SATB1: variants seen among roughly 807,000 people sequenced by gnomAD.
SATB1 encodes the protein DNA-binding protein SATB1.
SATB1 carries 11 observed loss-of-function variants against 86.9 expected under a neutral mutation model. The ratio of observed to expected loss-of-function variants is 0.13; its 90% confidence interval spans 0.08 to 0.21. The LOEUF (loss-of-function observed/expected upper bound fraction) is 0.21, where lower values mean the gene tolerates loss of function less well. Among genes scored for constraint, SATB1 ranks in the 10% least tolerant of loss-of-function variants. The pLI is 1.00. For missense variants in SATB1, 551 were observed against 937.6 expected (o/e 0.59, Z 5.39); for synonymous variants, 357 against 357.2 (o/e 1.00, Z 0.01).
chr3:18,352,029 G>T lies in SATB1; in HGVS notation c.1742C>A (p.Pro581Gln). 6.2e-7 allele frequency: 1 copy of T among 1,614,172 alleles called. No individual in the cohort carries two copies. Among genetic ancestry groups the T allele is most frequent in the Non-Finnish European group, 8.5e-7 (1 of 1,180,040 alleles). The stretch of plus-strand genomic sequence containing the variant: ...TGCTGGAACATGGATAATGTGGGGC[G>T]GCCTGTCGCCATGGTGATGCACCGC... The part of the protein sequence containing the change: ...SNAVHHHGDR[P>Q]PHIIHVPAEQ... The change falls in exon 10 of 11, where the codon CCG (proline) becomes CAG (glutamine). Residue 581 changes from proline to glutamine, a missense_variant. Physicochemically the swap from Pro to Gln is moderately conservative, Grantham distance 76. This residue lies in a region of SATB1 where 87 missense variants were observed against 103.6 expected (regional missense o/e 0.84). Transcript: ENST00000338745. This position sits in a 1 kb window ranked among gnomAD's most constrained non-coding sequence, Gnocchi z 4.1.
At chr3:18,392,616 T>TAA (rs1220168911) in intron 7 of SATB1, among the ~76,000 whole-genome samples, 17 of 151,910 alleles carry the variant, frequency 1.1e-4, no homozygotes, top group South Asian at 2.1e-4. Flanking sequence ...CATATATATA[T>TAA]AATTTGTGTC....
rs1011635291 is a variant in SATB1, at chr3:18,347,607, A to G, written c.*1563T>C. 2.6e-5 allele frequency: 4 copies of G among 152,202 alleles called. No individual in the cohort carries two copies. Among genetic ancestry groups the G allele is most frequent in the East Asian group, 1.9e-4 (1 of 5,200 alleles). The allele number at this position is 152,202 out of a possible 1,614,324, so 9.4% of individuals were successfully genotyped here. A position where few individuals can be genotyped will look rare whatever the true frequency, so the allele number is the denominator to read the frequency against. On this transcript the variant is annotated 3_prime_UTR_variant, in exon 11 of 11. Transcript: ENST00000338745. ...CATTAGCTTAAGGAAAAGCATTGCTATAAATGAAGTATTGTGAAATAAGCA... is the reference window on the plus strand; with the variant it reads ...CATTAGCTTAAGGAAAAGCATTGCTGTAAATGAAGTATTGTGAAATAAGCA...
intron 7 of SATB1, among the ~76,000 whole-genome samples, chr3:18,393,200 A>G (rs1012322648): frequency 6.6e-6 from 1 of 152,204 alleles, no homozygotes; most frequent in Admixed American, 6.5e-5. Flanking sequence ...TAAATATGAA[A>G]GGAAAATGTG....
upstream of SATB1, among the ~76,000 whole-genome samples, chr3:18,429,565 T>C (rs1698821889): frequency 6.6e-6 from 1 of 152,240 alleles, no homozygotes; most frequent in Non-Finnish European, 1.5e-5. This position sits in a 1 kb window ranked among gnomAD's most constrained non-coding sequence, Gnocchi z 4.1. Flanking sequence ...TGGCACATGC[T>C]AGCTGCCCTA....
At position 18,425,089 on chromosome 3, in the gene SATB1, C is replaced by A; in HGVS notation, c.-1487G>T. 6.2e-6 allele frequency: 1 copy of A among 161,482 alleles called. No individual in the cohort carries two copies. Among genetic ancestry groups the A allele is most frequent in the Non-Finnish European group, 1.3e-5 (1 of 74,964 alleles). The allele number at this position is 161,482 out of a possible 1,614,324, so 10.0% of individuals were successfully genotyped here. The stretch of plus-strand genomic sequence containing the variant: ...CGCTGTCGCTGCCGCCGCCGTGCCC[C>A]GCTCGGCTCCGCGCGTCCGCCCGGG... On this transcript the variant is annotated 5_prime_UTR_variant, in exon 1 of 11. Transcript: ENST00000338745.
rs1474222763 is a variant in SATB1, at chr3:18,425,146, T to TGCTGCCGCCGCCGCCGCC, written c.-1562_-1545dup. ...CCCTCTCCGCCGCTGCTCCTGCTGC[T>TGCTGCCGCCGCCGCCGCC]GCTGCCGCCGCCGCCGCCGCTGCCG... On this transcript the variant is annotated 5_prime_UTR_variant, in exon 1 of 11. Transcript: ENST00000338745. 5.7e-6 allele frequency: 1 copy of TGCTGCCGCCGCCGCCGCC among 175,940 alleles called. No homozygotes were observed. Among genetic ancestry groups the TGCTGCCGCCGCCGCCGCC allele is most frequent in the Non-Finnish European group, 1.2e-5 (1 of 85,928 alleles). The allele number at this position is 175,940 out of a possible 1,614,324, so 10.9% of individuals were successfully genotyped here.
chr3:18,378,049 TAATCCTAGACACAG>T, intron 9 of SATB1, 107 bp downstream of exon 9: 1 of 843,516 alleles, frequency 1.2e-6, no homozygotes, highest in Non-Finnish European at 1.7e-6. Context: ...GCTCTGGAAA[TAATCCTAGACACAG>T]AGGCCTCTCC....
chr3:18,428,515 T>C (rs911613526), upstream of SATB1, among the ~76,000 whole-genome samples: 1 of 152,166 alleles, frequency 6.6e-6, no homozygotes, highest in Non-Finnish European at 1.5e-5. Context: ...CCTAGGCATA[T>C]GTGAACATAA....
At chr3:18,356,200 T>C (rs1214968128) in intron 9 of SATB1, among the ~76,000 whole-genome samples, 1 of 151,896 alleles carries the variant, frequency 6.6e-6, no homozygotes, top group African/African-American at 2.4e-5. Context: ...CAAAGTTATG[T>C]ATTGTAAACC....
chr3:18,384,503 G>GAAGT lies in SATB1; in HGVS notation c.1419+1895_1419+1896insACTT, dbSNP rs1321655436. ...CAGTTCAATGTTGAAGTTCATATTGGTCTTAAGTAAGCCATTCTTTTATTA... is the reference window on the plus strand; with the variant it reads ...CAGTTCAATGTTGAAGTTCATATTGGAAGTTCTTAAGTAAGCCATTCTTTTATTA... On this transcript the variant is annotated intron_variant, in intron 8 of 10. Coordinates refer to ENST00000338745, the MANE Select transcript of SATB1 (RefSeq NM_002971.6). Among the ~76,000 whole-genome samples, 45 of 150,702 alleles carry GAAGT rather than the reference G, an allele frequency of 3.0e-4. 2 individuals are homozygous for GAAGT. The highest frequency in any genetic ancestry group is 2.0e-4 in the Admixed American group (3 of 15,138).
chr3:18,397,505 T>C (rs1697024666), intron 5 of SATB1, among the ~76,000 whole-genome samples: 1 of 152,148 alleles, frequency 6.6e-6, no homozygotes, highest in Non-Finnish European at 1.5e-5. Context: ...CTGAGACCAG[T>C]ATAAAGCTAT....
At chr3:18,393,725 G>A (rs939964643) in intron 7 of SATB1, among the ~76,000 whole-genome samples, 1 of 152,112 alleles carries the variant, frequency 6.6e-6, no homozygotes, top group Non-Finnish European at 1.5e-5. Context: ...CATACCCAGT[G>A]CCATTCATTT....
At chr3:18,385,385 G>A (rs1696286345) in intron 8 of SATB1, among the ~76,000 whole-genome samples, 1 of 152,140 alleles carries the variant, frequency 6.6e-6, no homozygotes, top group Non-Finnish European at 1.5e-5. Flanking sequence ...CACTTTGGGA[G>A]GCCGAGGTGG....
chr3:18,420,706 T>C, intron 2 of SATB1, 51 bp downstream of exon 2: 1 of 1,487,204 alleles, frequency 6.7e-7, no homozygotes, highest in Non-Finnish European at 9.4e-7. Context: ...TGTGGCCTTG[T>C]GTAGACAACA....
chr3:18,361,157 C>A (rs1694889320), intron 9 of SATB1, among the ~76,000 whole-genome samples: 1 of 152,052 alleles, frequency 6.6e-6, no homozygotes, highest in African/African-American at 2.4e-5. Flanking sequence ...ACCTCATTTC[C>A]TCTACTGGAC....
chr3:18,353,731 G>A (rs1459382689), intron 9 of SATB1, among the ~76,000 whole-genome samples: 1 of 152,092 alleles, frequency 6.6e-6, no homozygotes, highest in Non-Finnish European at 1.5e-5. Context: ...TGGCCTCCTT[G>A]AAATATTTTA....
intron 3 of SATB1, 115 bp downstream of exon 3, chr3:18,416,787 G>A: frequency 9.5e-7 from 1 of 1,050,478 alleles, no homozygotes; most frequent in Non-Finnish European, 1.4e-6. Context: ...AGCCTATAAG[G>A]AACCAATGTA....
Position 18,394,604 on chromosome 3 carries a change from C to G in SATB1, c.1064G>C (p.Arg355Thr). 1 of 1,614,136 alleles carries G rather than the reference C, an allele frequency of 6.2e-7. No homozygotes were observed. The highest frequency in any genetic ancestry group is 8.5e-7 in the Non-Finnish European group (1 of 1,180,030). ...TTGCTCCAAAGGCTTATTCATAGAT[C>G]TACTGACAGGGGGAGGGTGGTTCAA... ...QYLNHPPPVSRSMNKPLEQQV... is the reference protein window; with the variant it reads ...QYLNHPPPVSTSMNKPLEQQV... Residue 355 changes from arginine (R) to threonine (T), a missense_variant, in exon 7 of 11, where the codon AGA becomes ACA. Transcript: ENST00000338745. The surrounding 1 kb of genome is among the most constrained non-coding windows in gnomAD (Gnocchi z 5.9).
chr3:18,395,665 C>T (rs1485021013), intron 6 of SATB1, among the ~76,000 whole-genome samples: 1 of 152,100 alleles, frequency 6.6e-6, no homozygotes, highest in Non-Finnish European at 1.5e-5. Context: ...AATGTTTTTT[C>T]TTCAGGAAGC....
Sources: gnomAD v4.1 joint callset for allele counts (sites outside exome capture counted in the v4.1 genomes callset) on GRCh38, gnomAD v4.1.1 for gene constraint, gnomAD v4.1.1 regional missense constraint, Gnocchi (gnomAD v3.1) non-coding constraint, MANE v1.5 for transcripts, NCBI Gene and HGNC (gene_info 2026-07-23, HGNC 2026-07-21) for gene names.